Variants in TFAP2D observed in about 807,000 individuals in gnomAD.
TFAP2D encodes the protein transcription factor AP-2 delta, also known as transcription factor AP-2-delta.
A neutral mutation model predicts 43.6 loss-of-function variants in TFAP2D; 9 were observed. The observed-to-expected ratio is 0.21, with a 90% CI of 0.12 to 0.36. The LOEUF is 0.36. TFAP2D is among the 10% of genes least tolerant of loss of function. The probability of loss-of-function intolerance (pLI) is 1.00; values close to 1 mark genes in which losing one functional copy is unlikely to be tolerated. For missense variants in TFAP2D, 513 were observed against 561.4 expected (o/e 0.91, Z 0.87); for synonymous variants, 256 against 224.9 (o/e 1.14, Z -1.24).
At chr6:50,717,835 G>C (rs1184694061) in intron 2 of TFAP2D, among the ~76,000 whole-genome samples, 1 of 152,232 alleles carries the variant, frequency 6.6e-6, no homozygotes, top group Admixed American at 6.5e-5. Flanking sequence ...TGGGGAGGGA[G>C]TGTGTGGGAG....
intron 7 of TFAP2D, among the ~76,000 whole-genome samples, chr6:50,753,179 T>C (rs1328565237): frequency 2.0e-5 from 3 of 151,946 alleles, no homozygotes; most frequent in African/African-American, 7.2e-5. Flanking sequence ...TAAAGAAGTG[T>C]GTTAAATGAC....
chr6:50,752,245 A>G (rs559645116), intron 7 of TFAP2D, among the ~76,000 whole-genome samples: 2 of 152,122 alleles, frequency 1.3e-5, no homozygotes, highest in South Asian at 4.1e-4. Flanking sequence ...GAAATGTATT[A>G]TTGGAAGCAT....
intron 5 of TFAP2D, among the ~76,000 whole-genome samples, chr6:50,730,842 A>G (rs920397274): frequency 2.6e-5 from 4 of 152,128 alleles, no homozygotes; most frequent in African/African-American, 9.7e-5. Flanking sequence ...GTGTTTAAAT[A>G]TCATTGATTT....
chr6:50,757,170 ATGT>A (rs1561940062), intron 7 of TFAP2D, among the ~76,000 whole-genome samples: 1 of 150,796 alleles, frequency 6.6e-6, no homozygotes, highest in African/African-American at 2.4e-5. Context: ...TGTTTCTACT[ATGT>A]TAATGGCAGG....
In TFAP2D at chr6:50,714,047, A is replaced by T. The variant is rs746607010; in HGVS notation, c.-9A>T. 6.2e-7 allele frequency: 1 copy of T among 1,612,814 alleles called. No individual in the cohort carries two copies. Among genetic ancestry groups the T allele is most frequent in the Admixed American group, 1.7e-5 (1 of 59,814 alleles). ...GAAATTGCATCGTAAGCTTTCGGAGAAACCCAACATGTCAACTACCTTTCC... is the reference window on the plus strand; with the variant it reads ...GAAATTGCATCGTAAGCTTTCGGAGTAACCCAACATGTCAACTACCTTTCC... On this transcript the variant is annotated 5_prime_UTR_variant, in exon 1 of 8. Coordinates refer to ENST00000008391, the MANE Select transcript of TFAP2D (RefSeq NM_172238.4).
chr6:50,750,343 T>C lies in TFAP2D; in HGVS notation c.1026-868T>C, dbSNP rs147914561. Among the ~76,000 whole-genome samples, 151 of 152,104 alleles carry C rather than the reference T, an allele frequency of 9.9e-4. 2 individuals are homozygous for C. Among genetic ancestry groups the C allele is most frequent in the African/African-American group, 3.4e-3 (143 of 41,552 alleles). Reference sequence around the variant, plus strand: ...TAATTACTGTCATATTATCCCTTGATTTATGGAGTCACCTCACTTTAGATG... The same window carrying C: ...TAATTACTGTCATATTATCCCTTGACTTATGGAGTCACCTCACTTTAGATG... On this transcript the variant is annotated intron_variant, in intron 6 of 7. Transcript: ENST00000008391.
intron 5 of TFAP2D, among the ~76,000 whole-genome samples, chr6:50,731,762 C>A (rs537355527): frequency 1.8e-4 from 28 of 151,870 alleles, no homozygotes; most frequent in African/African-American, 6.5e-4. Context: ...TATTTTTATC[C>A]CCATATTTCA....
At chr6:50,742,721 T>A (rs1254441388) in intron 5 of TFAP2D, among the ~76,000 whole-genome samples, 1 of 152,154 alleles carries the variant, frequency 6.6e-6, no homozygotes, top group Non-Finnish European at 1.5e-5. Context: ...TACATGTAAC[T>A]TGACTTGCTG....
chr6:50,715,400 G>A lies in TFAP2D; in HGVS notation c.324G>A (p.Gly108=). ...SQQYYQQIHH[G]EPTDFINLHN... ...AGTACTACCAGCAGATCCACCACGG[G>A]GAGCCCACCGACTTTATTAACCTGC... The change falls in exon 2 of 8, where the codon GGG becomes GGA. Residue 108 remains glycine (G), a synonymous_variant. Coordinates refer to ENST00000008391, the MANE Select transcript of TFAP2D (RefSeq NM_172238.4). The A allele has an allele frequency of 1.2e-6, 2 of 1,614,074 alleles. No homozygotes were observed. Among genetic ancestry groups the A allele is most frequent in the African/African-American group, 1.3e-5 (1 of 75,010 alleles).
intron 7 of TFAP2D, among the ~76,000 whole-genome samples, chr6:50,759,107 C>A (rs994777730): frequency 6.6e-6 from 1 of 151,878 alleles, no homozygotes; most frequent in Non-Finnish European, 1.5e-5. Context: ...GCAAACATGA[C>A]CCTGTAATAA....
intron 6 of TFAP2D, among the ~76,000 whole-genome samples, chr6:50,745,695 C>A (rs760763221): frequency 6.6e-6 from 1 of 152,034 alleles, no homozygotes; most frequent in African/African-American, 2.4e-5. Flanking sequence ...CCAGGGAGAC[C>A]TCTGGGACCA....
Position 50,729,002 on chromosome 6 carries a change from T to C in TFAP2D, c.745T>C (p.Leu249=), listed in dbSNP as rs549396552. 5.6e-6 allele frequency: 9 copies of C among 1,613,826 alleles called. No homozygotes were observed. In the East Asian group the frequency reaches 1.1e-4, roughly 20 times the overall value. Reference sequence around the variant, plus strand: ...ACCTGAGTGCCTCAATGCTTCACTCTTGGGAGGCATTTTGAGAAGGTAAGA... The same window carrying C: ...ACCTGAGTGCCTCAATGCTTCACTCCTGGGAGGCATTTTGAGAAGGTAAGA... ...SPPECLNASL[L]GGILRRAKSK... is the part of the protein sequence containing the mutation. The change falls in exon 4 of 8, where the codon TTG becomes CTG. Residue 249 remains leucine, a synonymous_variant. Coordinates refer to ENST00000008391, the MANE Select transcript of TFAP2D (RefSeq NM_172238.4).
rs1769558516 is a variant in TFAP2D at position 50,773,017 on chromosome 6, A to T, written c.*153A>T. 1.4e-6 allele frequency: 1 copy of T among 715,376 alleles called. No individual in the cohort carries two copies. Among genetic ancestry groups the T allele is most frequent in the South Asian group, 2.4e-5 (1 of 42,464 alleles). 44.3% of individuals were successfully genotyped at this position (715,376 alleles called of 1,614,324 possible). On this transcript the variant is annotated 3_prime_UTR_variant, in exon 8 of 8. Coordinates refer to ENST00000008391, the MANE Select transcript of TFAP2D (RefSeq NM_172238.4). The stretch of plus-strand genomic sequence containing the variant: ...CAAAAATGGAAATGAAAAATGAAAC[A>T]AAAAAGGACAAAACCAAAAAAAAAA...
chr6:50,757,287 C>G (rs1290145281), intron 7 of TFAP2D, among the ~76,000 whole-genome samples: 3 of 142,044 alleles, frequency 2.1e-5, no homozygotes, highest in Non-Finnish European at 4.5e-5. Flanking sequence ...GTATATCTCT[C>G]TATATAGATA....
At chr6:50,751,775 G>T (rs753859273) in intron 7 of TFAP2D, among the ~76,000 whole-genome samples, 5 of 151,872 alleles carry the variant, frequency 3.3e-5, no homozygotes, top group African/African-American at 4.8e-5. Context: ...GGGTGGAGGG[G>T]ACACACATAT....
chr6:50,747,502 T>G (rs1769140497), intron 6 of TFAP2D, among the ~76,000 whole-genome samples: 1 of 152,134 alleles, frequency 6.6e-6, no homozygotes, highest in African/African-American at 2.4e-5. Flanking sequence ...TGTGGTTTTA[T>G]CATGCATATT....
chr6:50,757,516 G>T (rs1971441), intron 7 of TFAP2D, among the ~76,000 whole-genome samples: 1,229 of 53,458 alleles, frequency 0.023, no homozygotes, highest in East Asian at 0.06. Context: ...TCTATATATA[G>T]AATACATATA....
At chr6:50,730,484 T>G (rs1315404818) in intron 5 of TFAP2D, among the ~76,000 whole-genome samples, 1 of 151,834 alleles carries the variant, frequency 6.6e-6, no homozygotes, top group Admixed American at 6.6e-5. Context: ...TAACCTATCA[T>G]ACACCCACAT....
At chr6:50,755,748 G>T (rs1352263885) in intron 7 of TFAP2D, among the ~76,000 whole-genome samples, 3 of 151,970 alleles carry the variant, frequency 2.0e-5, no homozygotes, top group African/African-American at 7.2e-5. Flanking sequence ...AAGACTTCAA[G>T]ACCAGGCTGT....
Sources: gnomAD v4.1 joint callset for allele counts (sites outside exome capture counted in the v4.1 genomes callset) on GRCh38, gnomAD v4.1.1 for gene constraint, MANE v1.5 for transcripts, NCBI Gene and HGNC (gene_info 2026-07-23, HGNC 2026-07-21) for gene names.